The following ZNF599 variants were observed in gnomAD, a reference collection of about 807,000 sequenced individuals.
ZNF599 encodes the protein zinc finger protein 599.
A neutral mutation model predicts 11.7 loss-of-function variants in ZNF599; 10 were observed. That is an observed-to-expected ratio of 0.86 (90% CI 0.53 to 1.45). The LOEUF (loss-of-function observed/expected upper bound fraction) is 1.45, where lower values mean the gene tolerates loss of function less well. Ranked by LOEUF, ZNF599 falls within the 40% of genes most tolerant of loss-of-function variation. The probability of loss-of-function intolerance (pLI) is 0.00; values close to 1 mark genes in which losing one functional copy is unlikely to be tolerated. For synonymous variants in ZNF599, 232 were observed against 253.2 expected (o/e 0.92, Z 0.79); for missense variants, 688 against 713.6 (o/e 0.96, Z 0.41).
rs1382361538 is a variant in ZNF599, at chr19:34,773,168, G to C, written c.-327C>G. The C allele has an allele frequency of 5.8e-6, 2 of 342,846 alleles. No homozygotes were observed. The highest frequency in any genetic ancestry group is 4.2e-5 in the African/African-American group (2 of 47,226). The allele number at this position is 342,846 out of a possible 1,614,324, so 21.2% of individuals were successfully genotyped here. On this transcript the variant is annotated 5_prime_UTR_variant, in exon 1 of 4. Coordinates refer to ENST00000329285, the MANE Select transcript of ZNF599 (RefSeq NM_001007248.3). ...CTGGCGTTCTACCCAGTGTAGCGTT[G>C]GCAACCACAGCAGCCGCAACCTAAC...
chr19:34,805,728 C>T, the ZNF599 span, among the ~76,000 whole-genome samples: 1 of 152,134 alleles, frequency 6.6e-6, no homozygotes, highest in African/African-American at 2.4e-5. Context: ...CCTCATTGCT[C>T]CTATGCCATT....
At chr19:34,763,971 A>G (rs1328852039) in intron 3 of ZNF599, 1 of 152,092 alleles carries the variant, frequency 6.6e-6, no homozygotes, top group South Asian at 2.1e-4. Flanking sequence ...AATTCCAGTT[A>G]CTCAGGAGGC....
chr19:34,803,872 T>C, the ZNF599 span, among the ~76,000 whole-genome samples: 2 of 152,180 alleles, frequency 1.3e-5, no homozygotes, highest in Admixed American at 1.3e-4. Context: ...CATCATTCTT[T>C]AGGCTATTCC....
At chr19:34,777,259 A>C (rs1280591284), upstream of ZNF599, among the ~76,000 whole-genome samples, 1 of 123,570 alleles carries the variant, frequency 8.1e-6, no homozygotes, top group South Asian at 2.4e-4. Flanking sequence ...AATATATATT[A>C]TATATATCCA....
At chr19:34,800,509 T>C in the ZNF599 span, among the ~76,000 whole-genome samples, 1 of 152,132 alleles carries the variant, frequency 6.6e-6, no homozygotes, top group South Asian at 2.1e-4. Context: ...TTTTTTCCAC[T>C]ATGTCCAGTC....
the ZNF599 span, among the ~76,000 whole-genome samples, chr19:34,781,406 C>T: frequency 6.6e-6 from 1 of 152,146 alleles, no homozygotes; most frequent in African/African-American, 2.4e-5. Flanking sequence ...AGAGAGAGCC[C>T]TTGCTTACCT....
chr19:34,759,566 C>T lies in ZNF599; in HGVS notation c.1235G>A (p.Arg412Gln), dbSNP rs200914218. The change falls in exon 4 of 4, where the codon CGA becomes CAA. Residue 412 changes from arginine to glutamine, a missense_variant. Coordinates refer to ENST00000329285, the MANE Select transcript of ZNF599 (RefSeq NM_001007248.3). ...CTCTCCGGTATGGGTCCTCTTATGT[C>T]GGATGAAAGTGGAGCGATGAGTAAA... ...KAFTHRSTFI[R>Q]HKRTHTGEKP... 86 of 1,613,038 alleles carry T rather than the reference C, an allele frequency of 5.3e-5. No homozygotes were observed. Among genetic ancestry groups the T allele is most frequent in the Middle Eastern group, 1.7e-4 (1 of 6,060 alleles).
chr19:34,775,088 T>C (rs1230990036), upstream of ZNF599, among the ~76,000 whole-genome samples: 1 of 152,196 alleles, frequency 6.6e-6, no homozygotes, highest in Admixed American at 6.5e-5. Flanking sequence ...TCCTGAGGCC[T>C]CACCAGAAAT....
rs1403594972 is a variant in ZNF599, at chr19:34,759,281, T to G, written c.1520A>C (p.Tyr507Ser). 1 of 1,614,028 alleles carries G rather than the reference T, an allele frequency of 6.2e-7. No individual in the cohort carries two copies. Among genetic ancestry groups the G allele is most frequent in the East Asian group, 2.2e-5 (1 of 44,898 alleles). ...AGCCTTTCCACATTCTCTACAAACA[T>G]AGGGCTTCTCTCCAGTGTGAATCCT... ...HMRIHTGEKP[Y>S]VCRECGKAFT... The change falls in exon 4 of 4, where the codon TAT (tyrosine) becomes TCT (serine). Residue 507 changes from tyrosine (Y) to serine (S), a missense_variant. Physicochemically the swap from Tyr to Ser is moderately radical, Grantham distance 144. Coordinates refer to ENST00000329285, the MANE Select transcript of ZNF599 (RefSeq NM_001007248.3).
intron 3 of ZNF599, among the ~76,000 whole-genome samples, chr19:34,761,253 G>A (rs572296302): frequency 6.6e-6 from 1 of 152,270 alleles, no homozygotes; most frequent in Non-Finnish European, 1.5e-5. Context: ...TGCAATGTCT[G>A]AATAAAGACT....
In ZNF599 at chr19:34,769,505, C is replaced by T; in HGVS notation, c.69G>A (p.Trp23Ter). Reference sequence around the variant, plus strand: ...TCCTCTGGGCCAGGTCCAGGTGCCCCCATTCCTCTCCAGTGAAGGTCACAA... The same window carrying T: ...TCCTCTGGGCCAGGTCCAGGTGCCCTCATTCCTCTCCAGTGAAGGTCACAA... ...DVVVTFTGEE[W>*]GHLDLAQRTL... Residue 23 changes from tryptophan (W) to a stop codon, truncating the protein, a stop_gained, in exon 2 of 4, where the codon TGG (tryptophan) becomes TGA (stop). Transcript: ENST00000329285. LOFTEE classifies it high-confidence loss of function. 6.2e-7 allele frequency: 1 copy of T among 1,614,166 alleles called. No homozygotes were observed. The highest frequency in any genetic ancestry group is 8.5e-7 in the Non-Finnish European group (1 of 1,180,010).
At chr19:34,794,230 T>C in the ZNF599 span, among the ~76,000 whole-genome samples, 7 of 152,208 alleles carry the variant, frequency 4.6e-5, no homozygotes, top group East Asian at 1.4e-3. Flanking sequence ...CCACAACATG[T>C]GGGAATTATA....
Position 34,759,179 on chromosome 19 carries a change from T to C in ZNF599, c.1622A>G (p.Glu541Gly). Residue 541 changes from glutamate (E) to glycine (G), a missense_variant, in exon 4 of 4, where the codon GAG becomes GGG. By Grantham distance (98) the Glu-to-Gly change is moderately conservative (BLOSUM62 -2). Transcript: ENST00000329285. ...AGCAAAGTTGTCACAGAAGGCTTTC[T>C]CACATTCTTTGCATTCAAAAGGTTT... ...GEKPFECKEC[E>G]KAFCDNFALT... The C allele has an allele frequency of 1.2e-6, 2 of 1,614,022 alleles. No homozygotes were observed. Among genetic ancestry groups the C allele is most frequent in the Non-Finnish European group, 8.5e-7 (1 of 1,179,996 alleles).
chr19:34,759,632 G>A lies in ZNF599; in HGVS notation c.1169C>T (p.Thr390Ile). Residue 390 changes from threonine (T) to isoleucine (I), a missense_variant, in exon 4 of 4, where the codon ACT becomes ATT. Coordinates refer to ENST00000329285, the MANE Select transcript of ZNF599 (RefSeq NM_001007248.3). ...SSFTQHMRIH[T>I]GEKPYECGEC... ...ACCGCACTCATAGGGTTTCTCTCCA[G>A]TGTGAATCCTCATGTGCTGAGTGAA... 1 of 1,614,248 alleles carries A rather than the reference G, an allele frequency of 6.2e-7. No homozygotes were observed. The highest frequency in any genetic ancestry group is 8.5e-7 in the Non-Finnish European group (1 of 1,180,040).
chr19:34,805,715 T>C, the ZNF599 span, among the ~76,000 whole-genome samples: 2 of 152,184 alleles, frequency 1.3e-5, no homozygotes, highest in Non-Finnish European at 2.9e-5. Context: ...CTGAGTCATG[T>C]CACCTCATTG....
the ZNF599 span, among the ~76,000 whole-genome samples, chr19:34,783,579 T>G: frequency 1.3e-5 from 2 of 152,102 alleles, no homozygotes; most frequent in Admixed American, 6.5e-5. Flanking sequence ...CAAGTGTTTA[T>G]TTTCTAGGAA....
chr19:34,807,012 G>C, the ZNF599 span, among the ~76,000 whole-genome samples: 2 of 152,174 alleles, frequency 1.3e-5, no homozygotes, highest in Non-Finnish European at 2.9e-5. Context: ...GACAAATGAA[G>C]GTACAACACC....
chr19:34,784,832 G>A, the ZNF599 span, among the ~76,000 whole-genome samples: 1 of 150,810 alleles, frequency 6.6e-6, no homozygotes, highest in Non-Finnish European at 1.5e-5. Flanking sequence ...ATTTGCCGAA[G>A]CAAGATAACC....
At chr19:34,803,834 C>T in the ZNF599 span, among the ~76,000 whole-genome samples, 1 of 152,146 alleles carries the variant, frequency 6.6e-6, no homozygotes, top group African/African-American at 2.4e-5. Flanking sequence ...ATACCAGAGC[C>T]CTAGGACACA....
Sources: gnomAD v4.1 joint callset for allele counts (sites outside exome capture counted in the v4.1 genomes callset) on GRCh38, gnomAD v4.1.1 for gene constraint, MANE v1.5 for transcripts, NCBI Gene and HGNC (gene_info 2026-07-23, HGNC 2026-07-21) for gene names.